GRK3: variants seen among roughly 807,000 people sequenced by gnomAD.
GRK3 encodes G protein-coupled receptor kinase 3, also known as adrenergic, beta, receptor kinase 2.
In GRK3, 54 loss-of-function variants were observed where a neutral mutation model predicts 95.7. The observed-to-expected ratio is 0.56, with a 90% CI of 0.45 to 0.71. GRK3 has a LOEUF of 0.71. GRK3 is among the 30% of genes least tolerant of loss of function. The probability of loss-of-function intolerance (pLI) is 0.00; values close to 1 mark genes in which losing one functional copy is unlikely to be tolerated. For missense variants in GRK3, 649 were observed against 851.2 expected, an observed-to-expected ratio of 0.76 and a Z score of 2.96; for synonymous variants, 281 against 290.8, an observed-to-expected ratio of 0.97 and a Z score of 0.34.
intron 2 of GRK3, among the ~76,000 whole-genome samples, chr22:25,633,280 T>G (rs746465886): frequency 1.3e-5 from 2 of 152,304 alleles, no homozygotes; most frequent in East Asian, 3.9e-4. Context: ...TTTATTATTC[T>G]AGTTCTTTTG....
chr22:25,722,437 G>A lies in GRK3; in HGVS notation c.2054G>A (p.Ser685Asn). 1.9e-6 allele frequency: 3 copies of A among 1,614,170 alleles called. No individual in the cohort carries two copies. In the South Asian group the frequency reaches 3.3e-5, roughly 18 times the overall value. The change falls in exon 21 of 21, where the codon AGC becomes AAC. Residue 685 changes from serine to asparagine, a missense_variant. By Grantham distance (46) the Ser-to-Asn change is conservative (BLOSUM62 1). This residue lies in a region of GRK3 where 382 missense variants were observed against 493.8 expected (regional missense o/e 0.77). Coordinates refer to ENST00000324198, the MANE Select transcript of GRK3 (RefSeq NM_005160.4). ...AAGCCATCCCTCTGTCACAGAAACA[G>A]CAACGGCCTCTAGCACCCAGAAACA... ...LPKPSLCHRN[S>N]NGL
chr22:25,721,523 A>G, intron 20 of GRK3, 126 bp downstream of exon 20: 2 of 585,876 alleles, frequency 3.4e-6, no homozygotes, highest in South Asian at 4.2e-5. Context: ...AGAAAGCCCC[A>G]AGGTACAAGG....
At chr22:25,670,716 C>T (rs1011601900) in intron 6 of GRK3, among the ~76,000 whole-genome samples, 2 of 151,838 alleles carry the variant, frequency 1.3e-5, no homozygotes, top group Non-Finnish European at 2.9e-5. Flanking sequence ...ATGTTCTCTA[C>T]GAAGTATTCA....
At chr22:25,705,687 T>C (rs138804639) in intron 15 of GRK3, among the ~76,000 whole-genome samples, 8 of 152,282 alleles carry the variant, frequency 5.3e-5, no homozygotes, top group African/African-American at 1.9e-4. Context: ...CGGGAAGGAC[T>C]CAGCCTGCAG....
intron 17 of GRK3, among the ~76,000 whole-genome samples, chr22:25,711,366 T>C (rs889283077): frequency 6.6e-5 from 10 of 152,300 alleles, no homozygotes; most frequent in African/African-American, 2.4e-4. Context: ...AATTTTATTT[T>C]TGAGGAACTA....
At chr22:25,649,689 T>A (rs2084814131) in intron 3 of GRK3, among the ~76,000 whole-genome samples, 1 of 152,232 alleles carries the variant, frequency 6.6e-6, no homozygotes, top group Non-Finnish European at 1.5e-5. Flanking sequence ...TTAAACTTTC[T>A]TATATTTATT....
intron 3 of GRK3, among the ~76,000 whole-genome samples, chr22:25,645,350 T>C (rs1365917723): frequency 1.3e-5 from 2 of 152,204 alleles, no homozygotes; most frequent in African/African-American, 4.8e-5. Context: ...AGGGTTTCTG[T>C]TGATTTCAGG....
intron 2 of GRK3, among the ~76,000 whole-genome samples, chr22:25,642,774 G>C (rs2084752759): frequency 2.0e-5 from 3 of 152,144 alleles, no homozygotes; most frequent in African/African-American, 7.2e-5. Context: ...AGTTCCATCT[G>C]TGTTGCTGCA....
At chr22:25,596,419 TGAA>T (rs1298317225) in intron 1 of GRK3, among the ~76,000 whole-genome samples, 1 of 152,212 alleles carries the variant, frequency 6.6e-6, no homozygotes, top group Non-Finnish European at 1.5e-5. Context: ...AAGTGAGAGA[TGAA>T]GAACATTTTA....
intron 1 of GRK3, among the ~76,000 whole-genome samples, chr22:25,589,106 C>G (rs1932413849): frequency 6.6e-6 from 1 of 152,194 alleles, no homozygotes; most frequent in Non-Finnish European, 1.5e-5. Context: ...CAAACTTGTT[C>G]AACCTTTATG....
intron 7 of GRK3, among the ~76,000 whole-genome samples, chr22:25,672,677 G>C (rs1272575715): frequency 6.6e-6 from 1 of 152,138 alleles, no homozygotes; most frequent in East Asian, 1.9e-4. Context: ...TGCCATTCTG[G>C]TAGAGTTCCT....
At chr22:25,637,912 A>G (rs1273314772) in intron 2 of GRK3, among the ~76,000 whole-genome samples, 2 of 152,168 alleles carry the variant, frequency 1.3e-5, no homozygotes, top group East Asian at 3.8e-4. Context: ...TCCCTGGGGC[A>G]TCTGATCTTT....
intron 9 of GRK3, among the ~76,000 whole-genome samples, chr22:25,681,919 A>G (rs539708028): frequency 2.6e-5 from 4 of 152,222 alleles, no homozygotes; most frequent in African/African-American, 9.6e-5. Flanking sequence ...CCCACCCTTC[A>G]TTAAATTGCC....
intron 2 of GRK3, among the ~76,000 whole-genome samples, chr22:25,625,273 C>T (rs559126363): frequency 6.6e-6 from 1 of 152,262 alleles, no homozygotes; most frequent in East Asian, 1.9e-4. Context: ...TAGTTTGTAG[C>T]AATTACTCTT....
intron 1 of GRK3, among the ~76,000 whole-genome samples, chr22:25,589,605 C>T (rs565582611): frequency 4.5e-4 from 68 of 151,930 alleles, no homozygotes; most frequent in Non-Finnish European, 8.1e-4. Flanking sequence ...CTCTGGAGGC[C>T]GGAATTTGAT....
intron 12 of GRK3, among the ~76,000 whole-genome samples, chr22:25,693,030 G>A (rs5996966): frequency 3.9e-4 from 60 of 152,302 alleles, no homozygotes; most frequent in African/African-American, 1.4e-3. Flanking sequence ...TCCATTTAAC[G>A]AAAGAATCGC....
In GRK3 at chr22:25,597,553, A is replaced by G. The variant is rs550032801; in HGVS notation, c.114-6824A>G. Among the ~76,000 whole-genome samples the G allele has an allele frequency of 5.3e-5, 8 of 152,280 alleles. No individual in the cohort carries two copies. In the East Asian group the frequency reaches 1.5e-3, roughly 29 times the overall value. ...GTATCAAAATATCACAGTGCGCCCCATGAATATGTACAATTATTATGTGTC... is the reference window on the plus strand; with the variant it reads ...GTATCAAAATATCACAGTGCGCCCCGTGAATATGTACAATTATTATGTGTC... On this transcript the variant is annotated intron_variant, in intron 1 of 20. Transcript: ENST00000324198.
chr22:25,667,833 T>A (rs1261869300), intron 6 of GRK3, 33 bp downstream of exon 6: 3 of 1,293,082 alleles, frequency 2.3e-6, no homozygotes, highest in Admixed American at 3.5e-5. Flanking sequence ...ATACACAATT[T>A]TTTATCATGT....
intron 2 of GRK3, among the ~76,000 whole-genome samples, chr22:25,623,035 G>A (rs189437828): frequency 2.6e-5 from 4 of 152,108 alleles, no homozygotes; most frequent in Non-Finnish European, 5.9e-5. Context: ...TTTGCCTCCC[G>A]GGGTCAAGTG....
Sources: gnomAD v4.1 joint callset for allele counts (sites outside exome capture counted in the v4.1 genomes callset) on GRCh38, gnomAD v4.1.1 for gene constraint, gnomAD v4.1.1 regional missense constraint, MANE v1.5 for transcripts, NCBI Gene and HGNC (gene_info 2026-07-23, HGNC 2026-07-21) for gene names.